CASP4: variants seen among roughly 807,000 people sequenced by gnomAD.
CASP4 encodes caspase 4.
Under a neutral mutation model 41.3 loss-of-function variants are expected in CASP4, and 29 were observed. The ratio of observed to expected loss-of-function variants is 0.70; its 90% CI spans 0.52 to 0.96. The LOEUF is 0.96. Ranked by LOEUF, CASP4 falls within the 40% of genes least tolerant of loss-of-function variation. The pLI, the probability that CASP4 is intolerant of heterozygous loss-of-function variation, is 0.00. For missense variants in CASP4, 447 were observed against 460.6 expected (o/e 0.97, Z 0.27); for synonymous variants, 185 against 158.4 (o/e 1.17, Z -1.26).
At chr11:104,962,327 G>GTC (rs921966054) in intron 1 of CASP4, among the ~76,000 whole-genome samples, 3 of 152,016 alleles carry the variant, frequency 2.0e-5, no homozygotes, top group African/African-American at 7.2e-5. Context: ...TAGGTTTCTG[G>GTC]TCTCTCTCTC....
rs1860481886 is a variant in CASP4 at position 104,947,126 on chromosome 11, TG to T, written c.991del (p.Gln331ArgfsTer9). On this transcript the variant is annotated frameshift_variant, in exon 7 of 9. Coordinates refer to ENST00000444739, the MANE Select transcript of CASP4 (RefSeq NM_001225.4). LOFTEE classifies it high-confidence loss of function. Reference protein sequence around the residue: ...IFITQLITCFQKYSWCCHLEE... With the variant: ...IFITQLITCFXKYSWCCHLEE... ...TAGGTGGCAGCACCAAGAATATTTC[TG>T]GAAGCATGTGATGAGTTGTGTGATG... The T allele has an allele frequency of 6.2e-7, 1 of 1,613,158 alleles. No individual in the cohort carries two copies. The highest frequency in any genetic ancestry group is 2.2e-5 in the East Asian group (1 of 44,836).
At chr11:104,949,907 A>T in intron 4 of CASP4, 130 bp from the exon 5 acceptor site, 1 of 784,058 alleles carries the variant, frequency 1.3e-6, no homozygotes, top group Non-Finnish European at 2.1e-6. Context: ...GTGCTTACTC[A>T]GTCATGACAG....
chr11:104,965,325 C>T (rs895710602), intron 1 of CASP4, among the ~76,000 whole-genome samples: 1 of 152,212 alleles, frequency 6.6e-6, no homozygotes, highest in Non-Finnish European at 1.5e-5. Flanking sequence ...CATGAGTATG[C>T]TCAGACAGTT....
At chr11:104,966,959 G>A (rs1232502544) in intron 1 of CASP4, among the ~76,000 whole-genome samples, 1 of 152,150 alleles carries the variant, frequency 6.6e-6, no homozygotes, top group East Asian at 1.9e-4. Flanking sequence ...CTATCATATG[G>A]TAAGTATTTT....
At chr11:104,962,125 A>G (rs1860874227) in intron 1 of CASP4, among the ~76,000 whole-genome samples, 2 of 152,312 alleles carry the variant, frequency 1.3e-5, no homozygotes, top group South Asian at 4.1e-4. Flanking sequence ...AGCATCTTGC[A>G]TTTTAAGAAT....
At chr11:104,962,475 G>T (rs1860883199) in intron 1 of CASP4, among the ~76,000 whole-genome samples, 1 of 152,126 alleles carries the variant, frequency 6.6e-6, no homozygotes, top group Admixed American at 6.5e-5. Context: ...GTCTTTCAGT[G>T]TTCTGTAATG....
intron 1 of CASP4, among the ~76,000 whole-genome samples, chr11:104,957,279 A>T (rs1035279859): frequency 2.0e-5 from 3 of 152,202 alleles, no homozygotes; most frequent in Non-Finnish European, 4.4e-5. Flanking sequence ...TCTTTAAAAA[A>T]TAAATAAATT....
Position 104,954,785 on chromosome 11 carries a change from GT to G in CASP4, c.223del (p.Thr75ProfsTer5), listed in dbSNP as rs1219697066. ...QRMAGQMLLQTFFNIDQISPN... is the reference protein window; with the variant it reads ...QRMAGQMLLQXFFNIDQISPN... Reference sequence around the variant, plus strand: ...GGATATTTGGTCTATGTTAAAAAAGGTTTGAAGAAGCATTTGTCCTGCCATA... The same window carrying G: ...GGATATTTGGTCTATGTTAAAAAAGGTTGAAGAAGCATTTGTCCTGCCATA... On this transcript the variant is annotated frameshift_variant, in exon 2 of 9. Coordinates refer to ENST00000444739, the MANE Select transcript of CASP4 (RefSeq NM_001225.4). LOFTEE classifies it high-confidence loss of function. 6.2e-7 allele frequency: 1 copy of G among 1,613,426 alleles called. No individual in the cohort carries two copies. The highest frequency in any genetic ancestry group is 8.5e-7 in the Non-Finnish European group (1 of 1,179,642).
chr11:104,962,845 G>A (rs1860890947), intron 1 of CASP4, among the ~76,000 whole-genome samples: 1 of 152,144 alleles, frequency 6.6e-6, no homozygotes, highest in Admixed American at 6.5e-5. Flanking sequence ...TTGGCTTCTG[G>A]AACAATTTCC....
intron 1 of CASP4, among the ~76,000 whole-genome samples, chr11:104,966,101 C>T (rs75052013): frequency 6.6e-6 from 1 of 152,190 alleles, no homozygotes; most frequent in Non-Finnish European, 1.5e-5. Context: ...AATAACACTA[C>T]CCTCTCCAGA....
At chr11:104,961,268 C>G (rs544387188) in intron 1 of CASP4, among the ~76,000 whole-genome samples, 20 of 152,314 alleles carry the variant, frequency 1.3e-4, no homozygotes, top group African/African-American at 4.8e-4. Context: ...TAACTGTGGC[C>G]CTATCACAGG....
chr11:104,960,076 T>C (rs1860824179), intron 1 of CASP4, among the ~76,000 whole-genome samples: 1 of 152,188 alleles, frequency 6.6e-6, no homozygotes, highest in African/African-American at 2.4e-5. Context: ...ACCTTGCTCA[T>C]TACATTCAAA....
chr11:104,961,051 C>T (rs891039171), intron 1 of CASP4, among the ~76,000 whole-genome samples: 7 of 152,294 alleles, frequency 4.6e-5, no homozygotes, highest in African/African-American at 9.6e-5. Context: ...CAACAATGAA[C>T]GAAATCAGAC....
chr11:104,954,909 C>T lies in CASP4; in HGVS notation c.100G>A (p.Val34Ile), dbSNP rs769724709. 1 of 1,613,666 alleles carries T rather than the reference C, an allele frequency of 6.2e-7. No individual in the cohort carries two copies. The highest frequency in any genetic ancestry group is 8.5e-7 in the Non-Finnish European group (1 of 1,179,720). ...GVLDNLVEQN[V>I]LNWKEEEKKK... ...TTTTCCTCTTCCTTCCAGTTCAGTA[C>T]ATTTTGTTCCACCAAGTTATCCAAA... is the stretch of plus-strand genomic sequence containing the variant. The change falls in exon 2 of 9, where the codon GTA becomes ATA. Residue 34 changes from valine to isoleucine, a missense_variant. Transcript: ENST00000444739.
chr11:104,949,856 C>G (rs1860564896), intron 4 of CASP4, 79 bp from the exon 5 acceptor site: 2 of 1,352,258 alleles, frequency 1.5e-6, no homozygotes, highest in South Asian at 2.4e-5. Context: ...ATGAGCGAAA[C>G]AAGAAACATA....
intron 1 of CASP4, among the ~76,000 whole-genome samples, chr11:104,958,347 C>G (rs1223836313): frequency 6.6e-6 from 1 of 151,990 alleles, no homozygotes; most frequent in Non-Finnish European, 1.5e-5. Context: ...AAGAGATAAT[C>G]AACAGTATGG....
At chr11:104,956,984 C>G (rs1389468916) in intron 1 of CASP4, among the ~76,000 whole-genome samples, 1 of 151,910 alleles carries the variant, frequency 6.6e-6, no homozygotes, top group Non-Finnish European at 1.5e-5. Context: ...AGTTGAAAAC[C>G]CTTTCTCTAA....
At chr11:104,960,798 T>C (rs529730385) in intron 1 of CASP4, among the ~76,000 whole-genome samples, 1 of 152,214 alleles carries the variant, frequency 6.6e-6, no homozygotes, top group Non-Finnish European at 1.5e-5. Context: ...TTCCATTTAA[T>C]TGTGATTCCC....
At position 104,954,753 on chromosome 11, in the gene CASP4, T is replaced by C. The variant is rs778274568; in HGVS notation, c.256A>G (p.Lys86Glu). ...FFNIDQISPNKKAHPNMEAGP... is the reference protein window; with the variant it reads ...FFNIDQISPNEKAHPNMEAGP... ...GTAAAAAATCCAGTCTTACCTTTTTTATTGGGGGATATTTGGTCTATGTTA... is the reference window on the plus strand; with the variant it reads ...GTAAAAAATCCAGTCTTACCTTTTTCATTGGGGGATATTTGGTCTATGTTA... The change falls in exon 2 of 9, where the codon AAA (lysine) becomes GAA (glutamate). Residue 86 changes from lysine to glutamate, a missense_variant. Transcript: ENST00000444739. 6.2e-7 allele frequency: 1 copy of C among 1,611,946 alleles called. No homozygotes were observed. Among genetic ancestry groups the C allele is most frequent in the South Asian group, 1.1e-5 (1 of 90,574 alleles).
Sources: allele counts gnomAD v4.1 joint callset (sites outside exome capture counted in the v4.1 genomes callset), GRCh38; gene constraint gnomAD v4.1.1; transcripts MANE v1.5; gene names NCBI Gene and HGNC (gene_info 2026-07-23, HGNC 2026-07-21).